The following UNC45B variants were observed in gnomAD, a reference collection of about 807,000 sequenced individuals.
UNC45B encodes the protein protein unc-45 homolog B.
A neutral mutation model predicts 98.7 loss-of-function variants in UNC45B; 78 were observed. The ratio of observed to expected loss-of-function variants is 0.79; its 90% CI spans 0.66 to 0.95. The LOEUF is 0.95. UNC45B is among the 40% of genes least tolerant of loss of function. The pLI is 0.00. For missense variants in UNC45B, 1,225 were observed against 1,184.9 expected, an observed-to-expected ratio of 1.03 and a Z score of -0.50; for synonymous variants, 462 against 480.4, an observed-to-expected ratio of 0.96 and a Z score of 0.50.
Position 35,168,299 on chromosome 17 carries a change from T to C in UNC45B, c.1390T>C (p.Ser464Pro), listed in dbSNP as rs201692265. 5 of 1,471,144 alleles carry C rather than the reference T, an allele frequency of 3.4e-6. No individual in the cohort carries two copies. The highest frequency in any genetic ancestry group is 4.5e-6 in the Non-Finnish European group (5 of 1,104,574). 91.1% of individuals were successfully genotyped at this position (1,471,144 alleles called of 1,614,324 possible). A position where few individuals can be genotyped will look rare whatever the true frequency, so the allele number is the denominator to read the frequency against. ...CACCTTCATCATCACCAATGGAGTG[T>C]CACTGCTCAAACAGATCTACAAGAC... ...RATFIITNGVSLLKQIYKTTK... is the reference protein window; with the variant it reads ...RATFIITNGVPLLKQIYKTTK... Residue 464 changes from serine (S) to proline (P), a missense_variant, in exon 10 of 20, where the codon TCA becomes CCA. Coordinates refer to ENST00000394570, the MANE Select transcript of UNC45B (RefSeq NM_001267052.2).
intron 9 of UNC45B, 127 bp downstream of exon 9, chr17:35,164,293 T>G: frequency 8.2e-7 from 1 of 1,212,368 alleles, no homozygotes; most frequent in Non-Finnish European, 1.1e-6. Context: ...AACAGAAATT[T>G]GGGAGTGGTT....
rs1351953765 is a variant in UNC45B at position 35,154,589 on chromosome 17, A to G, written c.487A>G (p.Ile163Val). 1.9e-6 allele frequency: 3 copies of G among 1,612,260 alleles called. No homozygotes were observed. The highest frequency in any genetic ancestry group is 1.1e-5 in the South Asian group (1 of 90,712). Residue 163 changes from isoleucine to valine, a missense_variant, in exon 6 of 20, where the codon ATT (isoleucine) becomes GTT (valine). Physicochemically the swap from Ile to Val is conservative, Grantham distance 29 (BLOSUM62 3). Coordinates refer to ENST00000394570, the MANE Select transcript of UNC45B (RefSeq NM_001267052.2). ...DKREKAANNL[I>V]VLGREEAGAE... Reference sequence around the variant, plus strand: ...CCTCCTTCAGGCTGCCAACAATCTCATTGTCCTAGGCCGTGAGGAAGCAGG... The same window carrying G: ...CCTCCTTCAGGCTGCCAACAATCTCGTTGTCCTAGGCCGTGAGGAAGCAGG...
chr17:35,170,191 C>T lies in UNC45B; in HGVS notation c.1625C>T (p.Ala542Val), dbSNP rs2092173691. Residue 542 changes from alanine (A) to valine (V), a missense_variant, in exon 12 of 20, where the codon GCT becomes GTT. Transcript: ENST00000394570. ...VEGLAYLTLD[A>V]DVKDDFVQDV... ...GGCCTGGCCTACCTCACGCTGGACG[C>T]TGATGTGAAGGACGACTTTGTCCAG... The T allele has an allele frequency of 8.7e-6, 14 of 1,613,828 alleles. No individual in the cohort carries two copies. The highest frequency in any genetic ancestry group is 1.2e-5 in the Non-Finnish European group (14 of 1,179,920).
chr17:35,170,071 A>G, intron 11 of UNC45B, 43 bp from the exon 12 acceptor site: 2 of 1,601,262 alleles, frequency 1.2e-6, no homozygotes, highest in Non-Finnish European at 1.7e-6. Flanking sequence ...CTCTTGACCT[A>G]GCCCTGGGCC....
rs201520750 is a variant in UNC45B, at chr17:35,159,550, G to A, written c.979+5G>A. 2.5e-6 allele frequency: 4 copies of A among 1,611,744 alleles called. No individual in the cohort carries two copies. The Admixed American group carries it at 5.0e-5, about 20-fold the overall frequency. On this transcript the variant is annotated splice_donor_5th_base_variant and intron_variant, in intron 8 of 19. Transcript: ENST00000394570. Reference sequence around the variant, plus strand: ...CCATCTATGTGGTGGATAATGGTGAGAAGAGGGGAAGGTTTGGGGCTTGCT... The same window carrying A: ...CCATCTATGTGGTGGATAATGGTGAAAAGAGGGGAAGGTTTGGGGCTTGCT...
chr17:35,171,192 C>G, intron 12 of UNC45B, 130 bp from the exon 13 acceptor site: 1 of 1,193,022 alleles, frequency 8.4e-7, no homozygotes, highest in East Asian at 2.4e-5. Context: ...TGTCTTTCCT[C>G]AGAATGGGCC....
intron 17 of UNC45B, 65 bp from the exon 18 acceptor site, chr17:35,180,494 C>T: frequency 7.4e-7 from 1 of 1,350,610 alleles, no homozygotes; most frequent in Non-Finnish European, 1.0e-6. Flanking sequence ...CCTGGGTGGC[C>T]AGAAAACCCC....
chr17:35,170,869 G>A (rs1421960754), intron 12 of UNC45B, among the ~76,000 whole-genome samples: 1 of 151,976 alleles, frequency 6.6e-6, no homozygotes, highest in Non-Finnish European at 1.5e-5. Flanking sequence ...GGCTGTGCCT[G>A]GCCTTTCTGG....
intron 18 of UNC45B, among the ~76,000 whole-genome samples, chr17:35,182,214 C>T (rs767511559): frequency 2.0e-5 from 3 of 151,892 alleles, no homozygotes; most frequent in East Asian, 1.9e-4. Context: ...CTCAGCCTCC[C>T]GAGTAACTGG....
chr17:35,179,957 A>G (rs1452197255), intron 17 of UNC45B, among the ~76,000 whole-genome samples: 1 of 152,148 alleles, frequency 6.6e-6, no homozygotes, highest in Admixed American at 6.6e-5. Flanking sequence ...CCTCTTTGGA[A>G]GCAGGAGTAT....
rs1320589310 is a variant in UNC45B at position 35,186,515 on chromosome 17, C to T, written c.2746C>T (p.Leu916Phe). Residue 916 changes from leucine (L) to phenylalanine (F), a missense_variant, in exon 20 of 20, where the codon CTC (leucine) becomes TTC (phenylalanine). Coordinates refer to ENST00000394570, the MANE Select transcript of UNC45B (RefSeq NM_001267052.2). ...AEVVQTAREC[L>F]IKCMDYGFIK... The stretch of plus-strand genomic sequence containing the variant: ...AGTGGTTCAGACAGCCCGAGAATGT[C>T]TCATCAAGTGCATGGATTATGGTTT... 8.7e-6 allele frequency: 14 copies of T among 1,614,110 alleles called. No homozygotes were observed. Among genetic ancestry groups the T allele is most frequent in the African/African-American group, 1.3e-5 (1 of 74,932 alleles).
In UNC45B at chr17:35,171,288, C is replaced by T. The variant is rs751145815; in HGVS notation, c.1690-34C>T. ...AGAGGTTTGTCCTAAAGTTTCCTTT[C>T]TGCTTTCCCTCTCCCCAACCCTGTG... is the stretch of plus-strand genomic sequence containing the variant. On this transcript the variant is annotated intron_variant, in intron 12 of 19. Coordinates refer to ENST00000394570, the MANE Select transcript of UNC45B (RefSeq NM_001267052.2). 1.9e-6 allele frequency: 3 copies of T among 1,605,310 alleles called. No individual in the cohort carries two copies. In the South Asian group the frequency reaches 3.3e-5, roughly 18 times the overall value.
At chr17:35,168,476 G>A (rs2092158018) in intron 10 of UNC45B, 115 bp downstream of exon 10, 4 of 893,208 alleles carry the variant, frequency 4.5e-6, no homozygotes, top group Middle Eastern at 3.3e-4. Context: ...GTTCAAGGGG[G>A]CACCAGACCC....
At chr17:35,175,046 A>AG (rs1246717345) in intron 14 of UNC45B, among the ~76,000 whole-genome samples, 65 of 110,768 alleles carry the variant, frequency 5.9e-4, no homozygotes, top group Non-Finnish European at 1.1e-3. Context: ...AAAGAAGGAA[A>AG]GAAAGAAAGG....
At chr17:35,180,180 A>G (rs1046771464) in intron 17 of UNC45B, among the ~76,000 whole-genome samples, 3 of 151,112 alleles carry the variant, frequency 2.0e-5, no homozygotes, top group East Asian at 2.0e-4. Flanking sequence ...TTAATTCTCA[A>G]TGGGCTTTTC....
Position 35,148,335 on chromosome 17 carries a change from C to T in UNC45B, c.72C>T (p.Ala24=), listed in dbSNP as rs763835354. Residue 24 remains alanine, a synonymous_variant, in exon 2 of 20, where the codon GCC becomes GCT. Coordinates refer to ENST00000394570, the MANE Select transcript of UNC45B (RefSeq NM_001267052.2). ...ATTTCCAGCTCCAGGACTACAAGGC[C>T]GCCACAAATAGCTACAGCCAGGCCC... ...NRHFQLQDYK[A]ATNSYSQALK... 17 of 1,614,010 alleles carry T rather than the reference C, an allele frequency of 1.1e-5. No homozygotes were observed. The highest frequency in any genetic ancestry group is 3.3e-5 in the Admixed American group (2 of 59,998).
At chr17:35,173,147 G>A (rs1316059916) in intron 13 of UNC45B, among the ~76,000 whole-genome samples, 1 of 103,880 alleles carries the variant, frequency 9.6e-6, no homozygotes, top group Admixed American at 1.1e-4. Flanking sequence ...TTTTTTTTGA[G>A]ACTGAGTCTC....
intron 8 of UNC45B, among the ~76,000 whole-genome samples, chr17:35,162,017 C>T (rs2092106004): frequency 6.6e-6 from 1 of 152,238 alleles, no homozygotes. Flanking sequence ...TGCCACGCCC[C>T]TTGCCAATAC....
chr17:35,159,356 C>T lies in UNC45B; in HGVS notation c.809-19C>T, dbSNP rs773650729. On this transcript the variant is annotated intron_variant, in intron 7 of 19. Coordinates refer to ENST00000394570, the MANE Select transcript of UNC45B (RefSeq NM_001267052.2). ...GATTTCCTACCCCTCTCTACTTACC[C>T]CGTCCTCTTTTTCTTCAGACACCAA... 1.9e-5 allele frequency: 31 copies of T among 1,606,826 alleles called. 1 individual carries two copies. Among genetic ancestry groups the T allele is most frequent in the South Asian group, 1.1e-4 (10 of 90,446 alleles).
Sources: gnomAD v4.1 joint callset for allele counts (sites outside exome capture counted in the v4.1 genomes callset) on GRCh38, gnomAD v4.1.1 for gene constraint, MANE v1.5 for transcripts, NCBI Gene and HGNC (gene_info 2026-07-23, HGNC 2026-07-21) for gene names.